Variants in RARB observed in about 807,000 individuals in gnomAD.
RARB encodes retinoic acid receptor beta, also known as HBV-activated protein.
A neutral mutation model predicts 51.9 loss-of-function variants in RARB; 17 were observed. That is an observed-to-expected ratio of 0.33 (90% CI 0.22 to 0.49). RARB has a LOEUF of 0.49. RARB is among the 20% of genes least tolerant of loss of function. The probability of loss-of-function intolerance (pLI) is 0.99; values close to 1 mark genes in which losing one functional copy is unlikely to be tolerated. For missense variants in RARB, 369 were observed against 550.8 expected, an observed-to-expected ratio of 0.67 and a Z score of 3.30; for synonymous variants, 215 against 195.4, an observed-to-expected ratio of 1.10 and a Z score of -0.84.
intron 3 of RARB, among the ~76,000 whole-genome samples, chr3:25,513,661 TACAC>T (rs10525876): frequency 3.5e-4 from 51 of 145,194 alleles, no homozygotes; most frequent in African/African-American, 1.3e-3. Flanking sequence ...CTCTCAAAAC[TACAC>T]ACACACACAC....
intron 2 of RARB, among the ~76,000 whole-genome samples, chr3:24,963,326 C>T (rs1348640944): frequency 6.6e-6 from 1 of 151,150 alleles, no homozygotes; most frequent in Non-Finnish European, 1.5e-5. Flanking sequence ...TGGAAACGCT[C>T]TCACAGAGGC....
At chr3:25,298,339 C>T (rs937167515) in intron 5 of RARB, among the ~76,000 whole-genome samples, 3 of 151,984 alleles carry the variant, frequency 2.0e-5, no homozygotes, top group Non-Finnish European at 2.9e-5. Flanking sequence ...CGTGCCACCA[C>T]GCCTGGCTAA....
chr3:25,126,000 T>A (rs1308854057), intron 3 of RARB, among the ~76,000 whole-genome samples: 4 of 152,174 alleles, frequency 2.6e-5, no homozygotes, highest in African/African-American at 9.6e-5. Context: ...TGAACTCAAG[T>A]AAGAAATTAG....
intron 2 of RARB, among the ~76,000 whole-genome samples, chr3:25,052,113 C>A (rs2125300130): frequency 6.6e-6 from 1 of 152,330 alleles, no homozygotes; most frequent in African/African-American, 2.4e-5. Flanking sequence ...ACCCATTTCA[C>A]TGGCCAAAGC....
intron 2 of RARB, among the ~76,000 whole-genome samples, chr3:24,904,263 C>T (rs556975475): frequency 6.6e-6 from 1 of 152,048 alleles, no homozygotes; most frequent in African/African-American, 2.4e-5. Flanking sequence ...TCTGAGTCCT[C>T]TGAGAAACAG....
intron 5 of RARB, among the ~76,000 whole-genome samples, chr3:25,360,336 C>T (rs766267940): frequency 1.3e-5 from 2 of 152,194 alleles, no homozygotes; most frequent in Non-Finnish European, 2.9e-5. Context: ...GGTAAATCTT[C>T]TTCCATCCCT....
In RARB at chr3:25,477,839, A is replaced by C. The variant is rs148194383; in HGVS notation, c.306+16498A>C. 4.2e-3 allele frequency among the ~76,000 whole-genome samples: 634 copies of C among 152,330 alleles called. 14 individuals carry two copies. The highest frequency in any genetic ancestry group is 0.034 in the East Asian group (177 of 5,182). On this transcript the variant is annotated intron_variant, in intron 2 of 7. Coordinates refer to ENST00000330688, the MANE Select transcript of RARB (RefSeq NM_000965.5). ...TTGTGGGTCATGAATTTATGTAAGCATAGTGGGGATGATTTGTCTTTGCTT... is the reference window on the plus strand; with the variant it reads ...TTGTGGGTCATGAATTTATGTAAGCCTAGTGGGGATGATTTGTCTTTGCTT...
chr3:25,122,858 C>T (rs1699806830), intron 3 of RARB, among the ~76,000 whole-genome samples: 1 of 152,254 alleles, frequency 6.6e-6, no homozygotes, highest in East Asian at 1.9e-4. Flanking sequence ...ATGCCCCAAA[C>T]GGTTATAACA....
chr3:25,087,923 G>A (rs1699131039), intron 3 of RARB, among the ~76,000 whole-genome samples: 1 of 151,630 alleles, frequency 6.6e-6, no homozygotes, highest in Admixed American at 6.6e-5. Context: ...AGATTTTTAT[G>A]TGGGGCATGT....
intron 5 of RARB, among the ~76,000 whole-genome samples, chr3:25,364,032 A>G (rs1309063546): frequency 6.6e-6 from 1 of 152,080 alleles, no homozygotes; most frequent in Non-Finnish European, 1.5e-5. Flanking sequence ...TTCAAATTTC[A>G]ATGCCCTCTC....
chr3:24,984,994 A>G (rs1696757160), intron 2 of RARB, among the ~76,000 whole-genome samples: 1 of 152,194 alleles, frequency 6.6e-6, no homozygotes, highest in African/African-American at 2.4e-5. Flanking sequence ...GAAAGTGGGA[A>G]TTTTGACTTT....
intron 3 of RARB, among the ~76,000 whole-genome samples, chr3:25,504,177 T>C (rs1229709942): frequency 6.6e-6 from 1 of 152,168 alleles, no homozygotes; most frequent in East Asian, 1.9e-4. Context: ...ATATGCTGGA[T>C]CCAAAGGCAC....
At chr3:25,359,114 C>G (rs1325651267) in intron 5 of RARB, among the ~76,000 whole-genome samples, 1 of 151,830 alleles carries the variant, frequency 6.6e-6, no homozygotes, top group East Asian at 1.9e-4. Context: ...TGGTTCTGGG[C>G]TTTTTTTGGT....
At chr3:25,594,178 A>G (rs1436794768) in intron 6 of RARB, among the ~76,000 whole-genome samples, 2 of 152,146 alleles carry the variant, frequency 1.3e-5, no homozygotes, top group Non-Finnish European at 1.5e-5. Context: ...TTAAAAAGTA[A>G]TGGTTTTAAT....
chr3:25,416,797 G>A (rs1441628952), intron 5 of RARB, among the ~76,000 whole-genome samples: 1 of 152,200 alleles, frequency 6.6e-6, no homozygotes, highest in African/African-American at 2.4e-5. Context: ...TTCTTTCAGA[G>A]GGGCACGTCA....
intron 1 of RARB, among the ~76,000 whole-genome samples, chr3:24,850,363 C>G (rs1442743263): frequency 6.6e-6 from 1 of 152,174 alleles, no homozygotes; most frequent in Non-Finnish European, 1.5e-5. Context: ...TGAAATGTTT[C>G]CTGCTTGGAA....
At chr3:25,564,478 A>G (rs1700403887) in intron 3 of RARB, among the ~76,000 whole-genome samples, 1 of 152,040 alleles carries the variant, frequency 6.6e-6, no homozygotes, top group Non-Finnish European at 1.5e-5. Flanking sequence ...AGGGGTGGAG[A>G]GCAGTTAGTG....
intron 1 of RARB, among the ~76,000 whole-genome samples, chr3:24,849,221 A>G (rs1702523904): frequency 6.6e-6 from 1 of 152,262 alleles, no homozygotes; most frequent in Non-Finnish European, 1.5e-5. Flanking sequence ...AAAAAAAAGT[A>G]AAGTAAATGT....
intron 1 of RARB, among the ~76,000 whole-genome samples, chr3:24,834,800 C>G (rs1167607598): frequency 6.6e-6 from 1 of 152,140 alleles, no homozygotes; most frequent in African/African-American, 2.4e-5. Flanking sequence ...ATTGTAAGCC[C>G]ACTTTATATT....
Sources: allele counts gnomAD v4.1 joint callset (sites outside exome capture counted in the v4.1 genomes callset), GRCh38; gene constraint gnomAD v4.1.1; transcripts MANE v1.5; gene names NCBI Gene and HGNC (gene_info 2026-07-23, HGNC 2026-07-21).